Variants in LRRC4C observed in about 807,000 individuals in gnomAD.
LRRC4C encodes leucine rich repeat containing 4C, also known as leucine-rich repeat-containing protein 4C.
Under a neutral mutation model 33.6 loss-of-function variants are expected in LRRC4C, and 5 were observed. The ratio of observed to expected loss-of-function variants is 0.15; its 90% CI spans 0.08 to 0.31. The LOEUF (loss-of-function observed/expected upper bound fraction) is 0.31, where lower values mean the gene tolerates loss of function less well. Ranked by LOEUF, LRRC4C falls within the 10% of genes least tolerant of loss-of-function variation. The pLI is 1.00. For missense variants in LRRC4C, 560 were observed against 796.7 expected, an observed-to-expected ratio of 0.70 and a Z score of 3.58; for synonymous variants, 329 against 302.0, an observed-to-expected ratio of 1.09 and a Z score of -0.93.
At chr11:40,161,706 G>A (rs556632517) in intron 5 of LRRC4C, among the ~76,000 whole-genome samples, 171 of 152,240 alleles carry the variant, frequency 1.1e-3, no homozygotes, top group Non-Finnish European at 2.1e-3. Flanking sequence ...ACAGTGAGCC[G>A]AGATCGCGCC....
intron 1 of LRRC4C, among the ~76,000 whole-genome samples, chr11:41,013,998 C>T (rs1855403503): frequency 6.6e-6 from 1 of 152,114 alleles, no homozygotes; most frequent in Admixed American, 6.5e-5. Flanking sequence ...GACCGCGTCG[C>T]CTTTCACCAG....
intron 3 of LRRC4C, among the ~76,000 whole-genome samples, chr11:40,608,231 C>T (rs905968247): frequency 1.3e-5 from 2 of 151,976 alleles, no homozygotes; most frequent in Admixed American, 6.6e-5. Flanking sequence ...AGCTGTAATT[C>T]GTGACATTAA....
intron 1 of LRRC4C, among the ~76,000 whole-genome samples, chr11:41,415,634 C>T (rs1241506851): frequency 6.6e-6 from 1 of 152,032 alleles, no homozygotes; most frequent in Non-Finnish European, 1.5e-5. Context: ...CGAGTCTGTA[C>T]TCAGTTTAAG....
intron 1 of LRRC4C, among the ~76,000 whole-genome samples, chr11:41,396,270 A>T (rs1318572316): frequency 6.6e-6 from 1 of 152,080 alleles, no homozygotes; most frequent in African/African-American, 2.4e-5. Flanking sequence ...TCTAAAAACA[A>T]GAAGTTGTGG....
chr11:41,087,354 C>T (rs563664473), intron 1 of LRRC4C, among the ~76,000 whole-genome samples: 1 of 152,248 alleles, frequency 6.6e-6, no homozygotes, highest in South Asian at 2.1e-4. Context: ...TCAATTATCC[C>T]TACCCAGCTC....
At chr11:41,274,003 A>G (rs1304398136) in intron 1 of LRRC4C, among the ~76,000 whole-genome samples, 2 of 152,162 alleles carry the variant, frequency 1.3e-5, no homozygotes, top group Admixed American at 1.3e-4. Context: ...AAAGTGAGGA[A>G]GCAAGGCCTG....
intron 3 of LRRC4C, among the ~76,000 whole-genome samples, chr11:40,624,713 G>A (rs11035967): frequency 0.43 from 65,679 of 151,958 alleles, 15,278 homozygotes; most frequent in Middle Eastern, 0.57. Flanking sequence ...TTGGAATCTT[G>A]TAGGGTATAG....
intron 3 of LRRC4C, among the ~76,000 whole-genome samples, chr11:40,517,054 T>G (rs558335368): frequency 5.3e-5 from 8 of 152,270 alleles, no homozygotes; most frequent in Non-Finnish European, 8.8e-5. Context: ...TCATACTGGT[T>G]CTGGCTTGAC....
chr11:40,784,776 C>T (rs1950343610), intron 2 of LRRC4C, among the ~76,000 whole-genome samples: 1 of 152,058 alleles, frequency 6.6e-6, no homozygotes, highest in South Asian at 2.1e-4. Flanking sequence ...AAAAATTGCG[C>T]TGATCTTTAG....
intron 2 of LRRC4C, among the ~76,000 whole-genome samples, chr11:40,808,240 T>G: frequency 6.6e-6 from 1 of 152,108 alleles, no homozygotes; most frequent in East Asian, 1.9e-4. Flanking sequence ...TTATGACTAT[T>G]TCTAGACTGC....
At chr11:41,029,077 T>C (rs1324278548) in intron 1 of LRRC4C, among the ~76,000 whole-genome samples, 1 of 151,802 alleles carries the variant, frequency 6.6e-6, no homozygotes, top group African/African-American at 2.4e-5. Context: ...CAAAAGAGAT[T>C]TTAACTAAGA....
chr11:41,428,128 G>A (rs763847403), intron 1 of LRRC4C, among the ~76,000 whole-genome samples: 2 of 152,190 alleles, frequency 1.3e-5, no homozygotes, highest in African/African-American at 4.8e-5. Context: ...GAGTGAGAAA[G>A]TGGTGAGAAA....
chr11:40,762,600 G>T (rs4430494), intron 2 of LRRC4C, among the ~76,000 whole-genome samples: 89,605 of 151,882 alleles, frequency 0.59, 27,004 homozygotes, highest in Non-Finnish European at 0.65. Context: ...ATGCCAACAT[G>T]AATAAAAACA....
rs189411476 is a variant in LRRC4C, at chr11:40,485,428, G to A, written c.-270+162714C>T. Reference sequence around the variant, plus strand: ...ATGTTTATTCTGTTTTTTCTTTTTGGCAAAGTTCTTTCTAAGACTACCAGC... The same window carrying A: ...ATGTTTATTCTGTTTTTTCTTTTTGACAAAGTTCTTTCTAAGACTACCAGC... On this transcript the variant is annotated intron_variant, in intron 3 of 6. Coordinates refer to ENST00000528697, the MANE Select transcript of LRRC4C (RefSeq NM_001258419.2). Among the ~76,000 whole-genome samples the A allele has an allele frequency of 4.4e-3, 659 of 150,782 alleles. 3 individuals carry two copies. The highest frequency in any genetic ancestry group is 7.0e-3 in the Non-Finnish European group (474 of 67,622).
intron 1 of LRRC4C, among the ~76,000 whole-genome samples, chr11:41,048,862 C>T (rs1474638990): frequency 1.3e-5 from 2 of 152,114 alleles, no homozygotes; most frequent in African/African-American, 4.8e-5. Context: ...GGAACAATGG[C>T]GTAGGCAGAG....
At chr11:40,628,997 C>A (rs2136001674) in intron 3 of LRRC4C, among the ~76,000 whole-genome samples, 1 of 152,022 alleles carries the variant, frequency 6.6e-6, no homozygotes, top group South Asian at 2.1e-4. Context: ...CAAACGTTTG[C>A]CTATTGGGGT....
At chr11:40,430,951 GT>G (rs1451895436) in intron 3 of LRRC4C, among the ~76,000 whole-genome samples, 1 of 97,814 alleles carries the variant, frequency 1.0e-5, no homozygotes, top group Non-Finnish European at 1.9e-5. Context: ...CCGTGGTGGG[GT>G]GGGGGGAGGG....
chr11:40,913,253 A>G (rs954722127), intron 2 of LRRC4C, among the ~76,000 whole-genome samples: 1 of 152,232 alleles, frequency 6.6e-6, no homozygotes, highest in Admixed American at 6.5e-5. Context: ...CATTATTTTC[A>G]GCACCACACC....
At chr11:40,586,991 G>T (rs1212522129) in intron 3 of LRRC4C, among the ~76,000 whole-genome samples, 1 of 151,896 alleles carries the variant, frequency 6.6e-6, no homozygotes, top group Non-Finnish European at 1.5e-5. Flanking sequence ...CTTTAAAGTA[G>T]TTTTTTCCAA....
Sources: allele counts gnomAD v4.1 joint callset (sites outside exome capture counted in the v4.1 genomes callset), GRCh38; gene constraint gnomAD v4.1.1; transcripts MANE v1.5; gene names NCBI Gene and HGNC (gene_info 2026-07-23, HGNC 2026-07-21).